LOC400499: variants seen among roughly 807,000 people sequenced by gnomAD.
chr16:11,474,959 T>C, the LOC400499 span, among the ~76,000 whole-genome samples: 2 of 152,246 alleles, frequency 1.3e-5, no homozygotes, highest in Admixed American at 1.3e-4. Context: ...AGCTGCCTTC[T>C]CTTGTTCCTA....
At chr16:11,513,898 A>G in the LOC400499 span, among the ~76,000 whole-genome samples, 24 of 152,194 alleles carry the variant, frequency 1.6e-4, no homozygotes, top group Non-Finnish European at 5.9e-5. Context: ...ATTCAGGAAG[A>G]CAACTGGTTT....
At chr16:11,465,767 G>T in the LOC400499 span, among the ~76,000 whole-genome samples, 4 of 149,776 alleles carry the variant, frequency 2.7e-5, no homozygotes, top group African/African-American at 9.9e-5. Flanking sequence ...AGAGAAGGCG[G>T]GGGGTGGGCA....
the LOC400499 span, among the ~76,000 whole-genome samples, chr16:11,461,357 C>A: frequency 6.6e-6 from 1 of 152,138 alleles, no homozygotes; most frequent in African/African-American, 2.4e-5. Context: ...GTAGCTGGAA[C>A]TACAGACGTG....
At chr16:11,492,013 A>G in the LOC400499 span, among the ~76,000 whole-genome samples, 11 of 152,078 alleles carry the variant, frequency 7.2e-5, no homozygotes, top group African/African-American at 2.7e-4. Flanking sequence ...CAGCTGTGGG[A>G]GGTAGCAGGG....
At chr16:11,428,788 T>C in the LOC400499 span, among the ~76,000 whole-genome samples, 1 of 152,072 alleles carries the variant, frequency 6.6e-6, no homozygotes, top group African/African-American at 2.4e-5. Flanking sequence ...TTGCTCTGGT[T>C]TACACACCTC....
At chr16:11,453,739 A>T in the LOC400499 span, among the ~76,000 whole-genome samples, 1 of 152,072 alleles carries the variant, frequency 6.6e-6, no homozygotes, top group African/African-American at 2.4e-5. Context: ...AAGCAGAGGC[A>T]GGACGATCAC....
the LOC400499 span, among the ~76,000 whole-genome samples, chr16:11,463,364 C>T: frequency 6.6e-6 from 1 of 152,196 alleles, no homozygotes; most frequent in East Asian, 1.9e-4. Context: ...TCCCCGATCC[C>T]CACAGATGTG....
chr16:11,522,098 G>C, the LOC400499 span: 1 of 391,318 alleles, frequency 2.6e-6, no homozygotes, highest in Non-Finnish European at 4.4e-6. Context: ...ACAGGGAGGT[G>C]GGGCCCAGCT....
At chr16:11,385,011 G>A in the LOC400499 span, 1 of 1,232,304 alleles carries the variant, frequency 8.1e-7, no homozygotes, top group Non-Finnish European at 1.0e-6. Context: ...GCAGGATGCA[G>A]CTTGAGGTCC....
At chr16:11,468,716 C>G in the LOC400499 span, among the ~76,000 whole-genome samples, 1 of 152,226 alleles carries the variant, frequency 6.6e-6, no homozygotes, top group African/African-American at 2.4e-5. Flanking sequence ...AAACCTCCGC[C>G]TCCTGGGTTC....
chr16:11,496,072 T>C, the LOC400499 span, among the ~76,000 whole-genome samples: 1 of 151,150 alleles, frequency 6.6e-6, no homozygotes, highest in African/African-American at 2.4e-5. Flanking sequence ...CTGTCCTTTT[T>C]TTTTTTTTCT....
At chr16:11,460,040 A>C in the LOC400499 span, 4 of 1,447,516 alleles carry the variant, frequency 2.8e-6, no homozygotes, top group Non-Finnish European at 3.6e-6. Context: ...AGTCCTCCTC[A>C]TGCCAGAGCT....
At chr16:11,505,343 T>G in the LOC400499 span, among the ~76,000 whole-genome samples, 11 of 151,654 alleles carry the variant, frequency 7.3e-5, no homozygotes, top group Admixed American at 6.6e-4. Flanking sequence ...GGAAAGACAA[T>G]AGTAAAATGT....
At chr16:11,463,860 T>A in the LOC400499 span, among the ~76,000 whole-genome samples, 1 of 152,264 alleles carries the variant, frequency 6.6e-6, no homozygotes, top group African/African-American at 2.4e-5. Context: ...TGTAAAGAGA[T>A]GCATATATAC....
chr16:11,524,893 T>C, the LOC400499 span, among the ~76,000 whole-genome samples: 1 of 152,288 alleles, frequency 6.6e-6, no homozygotes, highest in East Asian at 1.9e-4. Context: ...GCCATTTCCA[T>C]AGGATGGCAT....
chr16:11,402,183 A>G, the LOC400499 span: 1 of 399,032 alleles, frequency 2.5e-6, no homozygotes, highest in Non-Finnish European at 4.4e-6. Context: ...ACACACACAA[A>G]GGGTAGGGCA....
the LOC400499 span, among the ~76,000 whole-genome samples, chr16:11,468,086 T>TG: frequency 4.0e-5 from 6 of 150,096 alleles, no homozygotes; most frequent in African/African-American, 1.2e-4. Context: ...CCTTCACAGG[T>TG]GGGGAAAAAA....
chr16:11,519,040 C>T, the LOC400499 span: 2 of 398,834 alleles, frequency 5.0e-6, no homozygotes, highest in East Asian at 7.1e-5. Flanking sequence ...GCACCCCACC[C>T]ACAAAGCAGT....
the LOC400499 span, among the ~76,000 whole-genome samples, chr16:11,422,905 C>A: frequency 6.6e-6 from 1 of 152,202 alleles, no homozygotes; most frequent in Admixed American, 6.5e-5. Flanking sequence ...GGGCTTGCAA[C>A]CCTTGGGTCC....
Sources: allele counts gnomAD v4.1 joint callset (sites outside exome capture counted in the v4.1 genomes callset), GRCh38; gene constraint gnomAD v4.1.1; transcripts MANE v1.5.